The following ZNF597 variants were observed in gnomAD, a reference collection of about 807,000 sequenced individuals.
The protein encoded by ZNF597 is zinc finger protein 597.
ZNF597 carries 5 observed loss-of-function variants against 7.3 expected under a neutral mutation model. That is an observed-to-expected ratio of 0.68 (90% CI 0.36 to 1.44). The LOEUF (loss-of-function observed/expected upper bound fraction) is 1.44, where lower values mean the gene tolerates loss of function less well. ZNF597 is among the 40% of genes most tolerant of loss of function. ZNF597 has a pLI of 0.04. For missense variants in ZNF597, 585 were observed against 517.9 expected (o/e 1.13, Z -1.26); for synonymous variants, 209 against 185.4 (o/e 1.13, Z -1.04).
chr16:3,438,965 G>A (rs1255809398), intron 3 of ZNF597, among the ~76,000 whole-genome samples: 2 of 152,214 alleles, frequency 1.3e-5, no homozygotes, highest in Non-Finnish European at 2.9e-5. Flanking sequence ...TGGTTTTGCT[G>A]ATTTGAGGGG....
chr16:3,437,881 A>G (rs1596267024), intron 3 of ZNF597, among the ~76,000 whole-genome samples: 1 of 152,212 alleles, frequency 6.6e-6, no homozygotes, highest in Non-Finnish European at 1.5e-5. Flanking sequence ...AAGCTATCTC[A>G]AGTGACAGCA....
intron 1 of ZNF597, 77 bp from the exon 2 acceptor site, chr16:3,443,283 T>G: frequency 3.3e-6 from 3 of 914,890 alleles, no homozygotes; most frequent in African/African-American, 1.7e-5. Flanking sequence ...CCTCCCTCGA[T>G]TCCCTCCGAA....
Position 3,437,435 on chromosome 16 carries a change from A to G in ZNF597, c.264T>C (p.Pro88=). ...CATCCTCAGAGGATTTTTCTGGGTA[A>G]GGGACAAGGGGTGCAGCAATGGGGT... ...EKYPIAAPLV[P]YPEKSSEDGV... Residue 88 remains proline, a synonymous_variant, in exon 4 of 4, where the codon CCT becomes CCC. Coordinates refer to ENST00000301744, the MANE Select transcript of ZNF597 (RefSeq NM_152457.3). 6.2e-7 allele frequency: 1 copy of G among 1,614,142 alleles called. No homozygotes were observed. Among genetic ancestry groups the G allele is most frequent in the Non-Finnish European group, 8.5e-7 (1 of 1,180,020 alleles).
intron 3 of ZNF597, 75 bp downstream of exon 3, chr16:3,440,732 A>C: frequency 1.9e-6 from 3 of 1,573,668 alleles, no homozygotes; most frequent in Non-Finnish European, 2.6e-6. Flanking sequence ...CACCATACCA[A>C]CATCTGGATA....
intron 3 of ZNF597, among the ~76,000 whole-genome samples, chr16:3,439,907 T>C (rs1169861138): frequency 6.6e-6 from 1 of 152,164 alleles, no homozygotes; most frequent in Non-Finnish European, 1.5e-5. Context: ...ATTATAAATA[T>C]ACTCCATACA....
rs2034299415 is a variant in ZNF597, at chr16:3,436,319, G to T, written c.*105C>A. 1.9e-6 allele frequency: 2 copies of T among 1,029,026 alleles called. No homozygotes were observed. The highest frequency in any genetic ancestry group is 2.8e-6 in the Non-Finnish European group (2 of 716,154). The allele number at this position is 1,029,026 out of a possible 1,614,324, so 63.7% of individuals were successfully genotyped here. The stretch of plus-strand genomic sequence containing the variant: ...TGAGAATTAAGTATTACATGGGAAT[G>T]TGTGTAAAGTGCTTAGCACATTGCC... On this transcript the variant is annotated 3_prime_UTR_variant, in exon 4 of 4. Coordinates refer to ENST00000301744, the MANE Select transcript of ZNF597 (RefSeq NM_152457.3).
Position 3,436,417 on chromosome 16 carries a change from ATTTAC to A in ZNF597, c.*2_*6del. 6.2e-7 allele frequency: 1 copy of A among 1,610,218 alleles called. No individual in the cohort carries two copies. The highest frequency in any genetic ancestry group is 1.1e-5 in the South Asian group (1 of 90,742). ...CCAATCACTAATAACAATTTGTTAT[ATTTAC>A]TTTACGTGGTGTTTTTTATGTGAGT... On this transcript the variant is annotated 3_prime_UTR_variant, in exon 4 of 4. Transcript: ENST00000301744.
intron 2 of ZNF597, among the ~76,000 whole-genome samples, chr16:3,442,442 G>C (rs1233093582): frequency 6.6e-6 from 1 of 152,088 alleles, no homozygotes; most frequent in Admixed American, 6.5e-5. Context: ...TTGGGAGACC[G>C]AGGCGGGCGG....
intron 2 of ZNF597, among the ~76,000 whole-genome samples, chr16:3,442,369 A>T (rs2034394149): frequency 6.6e-6 from 1 of 152,098 alleles, no homozygotes; most frequent in East Asian, 1.9e-4. Flanking sequence ...AAGCAGCAAG[A>T]CTCCATCTCC....
chr16:3,438,604 A>G (rs1033004353), intron 3 of ZNF597, among the ~76,000 whole-genome samples: 7 of 151,968 alleles, frequency 4.6e-5, no homozygotes, highest in Non-Finnish European at 8.8e-5. Flanking sequence ...AAAAAGAAAA[A>G]AAAGCAATCA....
At position 3,443,478 on chromosome 16, in the gene ZNF597, C is replaced by G. The variant is rs1436701334; in HGVS notation, c.-172G>C. On this transcript the variant is annotated 5_prime_UTR_variant, in exon 1 of 4. Coordinates refer to ENST00000301744, the MANE Select transcript of ZNF597 (RefSeq NM_152457.3). The stretch of plus-strand genomic sequence containing the variant: ...GCAAAACTCCCACGCTCTCATGCTC[C>G]TTTACGCAGGAGCTGCGGGAAAAGC... 1 of 522,224 alleles carries G rather than the reference C, an allele frequency of 1.9e-6. No individual in the cohort carries two copies. The highest frequency in any genetic ancestry group is 3.3e-6 in the Non-Finnish European group (1 of 299,516). 32.3% of individuals were successfully genotyped at this position (522,224 alleles called of 1,614,324 possible).
intron 3 of ZNF597, among the ~76,000 whole-genome samples, 192 bp downstream of exon 3, chr16:3,440,615 C>G (rs778408525): frequency 1.3e-4 from 20 of 151,542 alleles, no homozygotes; most frequent in Non-Finnish European, 2.4e-4. Flanking sequence ...GCCTGGGCAA[C>G]AGAGCGAGAG....
rs2034298910 is a variant in ZNF597 at position 3,436,279 on chromosome 16, A to G, written c.*145T>C. ...TTATAAAATGGAAATGATACTGCCT[A>G]AATCACGGTTGTGCTGAGAATTAAG... On this transcript the variant is annotated 3_prime_UTR_variant, in exon 4 of 4. Coordinates refer to ENST00000301744, the MANE Select transcript of ZNF597 (RefSeq NM_152457.3). 4 of 802,312 alleles carry G rather than the reference A, an allele frequency of 5.0e-6. No individual in the cohort carries two copies. Among genetic ancestry groups the G allele is most frequent in the East Asian group, 5.4e-5 (2 of 37,244 alleles). 49.7% of individuals were successfully genotyped at this position (802,312 alleles called of 1,614,324 possible). A position where few individuals can be genotyped will look rare whatever the true frequency, so the allele number is the denominator to read the frequency against.
At chr16:3,442,788 A>G (rs993891692) in intron 2 of ZNF597, among the ~76,000 whole-genome samples, 1 of 152,114 alleles carries the variant, frequency 6.6e-6, no homozygotes, top group African/African-American at 2.4e-5. Context: ...CGGAGCTATG[A>G]TATCAGCACT....
intron 3 of ZNF597, 54 bp from the exon 4 acceptor site, chr16:3,437,592 TG>T: frequency 6.6e-7 from 1 of 1,522,790 alleles, no homozygotes; most frequent in Non-Finnish European, 8.7e-7. Flanking sequence ...CAAGGGATAC[TG>T]GGGAAAAAGT....
rs2034275331 is a variant in ZNF597, at chr16:3,433,827, TC to T, written c.*2596del. 1 of 152,220 alleles carries T rather than the reference TC, an allele frequency of 6.6e-6. No individual in the cohort carries two copies. Among genetic ancestry groups the T allele is most frequent in the Admixed American group, 6.5e-5 (1 of 15,280 alleles). The allele number at this position is 152,220 out of a possible 1,614,324, so 9.4% of individuals were successfully genotyped here. On this transcript the variant is annotated 3_prime_UTR_variant, in exon 4 of 4. Coordinates refer to ENST00000301744, the MANE Select transcript of ZNF597 (RefSeq NM_152457.3). ...ACAGTAACTGACACTTCCGGGGTTTTCATTTTTTTCTGCATACTAATCATTA... is the reference window on the plus strand; with the variant it reads ...ACAGTAACTGACACTTCCGGGGTTTTATTTTTTTCTGCATACTAATCATTA...
In ZNF597 at chr16:3,443,447, G is replaced by A. The variant is rs2034426975; in HGVS notation, c.-141C>T. 3.8e-6 allele frequency: 2 copies of A among 521,004 alleles called. No individual in the cohort carries two copies. Among genetic ancestry groups the A allele is most frequent in the Admixed American group, 3.7e-5 (1 of 26,780 alleles). The allele number at this position is 521,004 out of a possible 1,614,324, so 32.3% of individuals were successfully genotyped here. The stretch of plus-strand genomic sequence containing the variant: ...CCGAGACGCGACGAAGAACGCCACG[G>A]CCACTGCAAAACTCCCACGCTCTCA... On this transcript the variant is annotated 5_prime_UTR_variant, in exon 1 of 4. Transcript: ENST00000301744.
rs376560118 is a variant in ZNF597, at chr16:3,437,213, G to C, written c.486C>G (p.Asp162Glu). Residue 162 changes from aspartate (D) to glutamate (E), a missense_variant, in exon 4 of 4, where the codon GAC becomes GAG. By Grantham distance (45) the Asp-to-Glu change is conservative. Transcript: ENST00000301744. ...AKNVYKCPEC[D>E]QNFSDHSYLV... is the part of the protein sequence containing the mutation. Reference sequence around the variant, plus strand: ...GGTATGAATGATCGCTGAAGTTTTGGTCACACTCAGGACATTTGTACACAT... The same window carrying C: ...GGTATGAATGATCGCTGAAGTTTTGCTCACACTCAGGACATTTGTACACAT... 1 of 1,614,152 alleles carries C rather than the reference G, an allele frequency of 6.2e-7. No homozygotes were observed. Among genetic ancestry groups the C allele is most frequent in the Admixed American group, 1.7e-5 (1 of 60,018 alleles).
intron 2 of ZNF597, among the ~76,000 whole-genome samples, 157 bp from the exon 3 acceptor site, chr16:3,441,090 G>A (rs1256636332): frequency 6.6e-6 from 1 of 152,226 alleles, no homozygotes; most frequent in Non-Finnish European, 1.5e-5. Flanking sequence ...TGGGTTCTAA[G>A]GGGTGGGGTG....
Sources: allele counts gnomAD v4.1 joint callset (sites outside exome capture counted in the v4.1 genomes callset), GRCh38; gene constraint gnomAD v4.1.1; transcripts MANE v1.5; gene names NCBI Gene and HGNC (gene_info 2026-07-23, HGNC 2026-07-21).